Variants in CFAP54 observed in about 807,000 individuals in gnomAD.
CFAP54 encodes the protein cilia- and flagella-associated protein 54.
Under a neutral mutation model 370.4 loss-of-function variants are expected in CFAP54, and 290 were observed. That is an observed-to-expected ratio of 0.78 (90% CI 0.71 to 0.86). CFAP54 has a LOEUF of 0.86. CFAP54 is among the 40% of genes least tolerant of loss of function. The pLI, the probability that CFAP54 is intolerant of heterozygous loss-of-function variation, is 0.00. For synonymous variants in CFAP54, 1,206 were observed against 1,236.5 expected (o/e 0.98, Z 0.52); for missense variants, 3,399 against 3,528.7 (o/e 0.96, Z 0.93).
intron 17 of CFAP54, among the ~76,000 whole-genome samples, chr12:96,561,988 G>T (rs759766558): frequency 1.3e-5 from 2 of 151,896 alleles, no homozygotes; most frequent in African/African-American, 4.8e-5. Context: ...GTTTCACCAT[G>T]TTGGCCAGGC....
intron 32 of CFAP54, among the ~76,000 whole-genome samples, chr12:96,638,615 T>G (rs1303765442): frequency 6.6e-6 from 1 of 152,208 alleles, no homozygotes; most frequent in Non-Finnish European, 1.5e-5. Flanking sequence ...TTGTAATTTC[T>G]GCTTCTTGTG....
chr12:96,623,928 A>T, intron 28 of CFAP54, 47 bp downstream of exon 28: 1 of 1,213,284 alleles, frequency 8.2e-7, no homozygotes. Context: ...TAAGTTTTTT[A>T]AAACGAGAAA....
At chr12:96,501,821 A>G (rs1462236699) in intron 2 of CFAP54, among the ~76,000 whole-genome samples, 3 of 152,184 alleles carry the variant, frequency 2.0e-5, no homozygotes, top group Non-Finnish European at 2.9e-5. Context: ...ACTAAGATCT[A>G]TTTTCTTCTG....
intron 26 of CFAP54, among the ~76,000 whole-genome samples, chr12:96,605,004 A>G (rs1014192239): frequency 1.7e-4 from 26 of 152,296 alleles, no homozygotes; most frequent in Admixed American, 3.3e-4. Flanking sequence ...ACCAGCCCCA[A>G]TGAGATAAAC....
intron 38 of CFAP54, 141 bp from the exon 39 acceptor site, chr12:96,663,689 A>G (rs1003424934): frequency 3.3e-6 from 2 of 605,150 alleles, no homozygotes; most frequent in Non-Finnish European, 5.8e-6. Flanking sequence ...ATGATTAGAC[A>G]CTATTCTGCC....
At chr12:96,834,522 C>G (rs1042573545) in intron 66 of CFAP54, among the ~76,000 whole-genome samples, 5 of 152,218 alleles carry the variant, frequency 3.3e-5, no homozygotes, top group African/African-American at 1.2e-4. Context: ...GCAGGCAGCT[C>G]TAGGTGCTGG....
intron 48 of CFAP54, 75 bp downstream of exon 48, chr12:96,708,878 A>T: frequency 8.9e-7 from 1 of 1,127,712 alleles, no homozygotes; most frequent in Non-Finnish European, 1.3e-6. Flanking sequence ...CCACTAATCT[A>T]TATAAATGAT....
chr12:96,639,961 C>T (rs1443417251), intron 32 of CFAP54, among the ~76,000 whole-genome samples: 1 of 152,166 alleles, frequency 6.6e-6, no homozygotes, highest in African/African-American at 2.4e-5. Context: ...GACAAACCCA[C>T]AGCCAATATC....
At chr12:96,548,964 C>T (rs769804782) in intron 15 of CFAP54, among the ~76,000 whole-genome samples, 63 of 152,170 alleles carry the variant, frequency 4.1e-4, no homozygotes, top group Admixed American at 2.5e-3. Context: ...AAGCCAGTCT[C>T]CTGCCTCAGC....
chr12:96,663,783 AACTATAAAT>A, intron 38 of CFAP54, 38 bp from the exon 39 acceptor site: 1 of 1,366,402 alleles, frequency 7.3e-7, no homozygotes, highest in South Asian at 1.2e-5. Context: ...CGAAATTTTT[AACTATAAAT>A]ACCCGACTAA....
At chr12:96,775,860 C>A (rs992928043) in intron 60 of CFAP54, among the ~76,000 whole-genome samples, 2 of 152,116 alleles carry the variant, frequency 1.3e-5, no homozygotes, top group African/African-American at 4.8e-5. Context: ...CATTTTCCTG[C>A]TACACATTTT....
At chr12:96,754,021 G>A (rs1048869130) in intron 56 of CFAP54, 123 bp downstream of exon 56, 5 of 891,562 alleles carry the variant, frequency 5.6e-6, no homozygotes, top group Non-Finnish European at 1.6e-6. Context: ...AGGGCTTAGA[G>A]ATGATTAACA....
intron 45 of CFAP54, 28 bp downstream of exon 45, chr12:96,693,836 A>G (rs533040199): frequency 1.5e-5 from 21 of 1,383,232 alleles, no homozygotes; most frequent in Non-Finnish European, 2.0e-5. Flanking sequence ...AAGACATTTG[A>G]TATTCTTGAA....
In CFAP54 at chr12:96,650,569, CT is replaced by C. The variant is rs199758025; in HGVS notation, c.4872+502del. ...CATGTTCTCTCAAATGCTTTTCTTT[CT>C]TTTTCTTCTTAAATATTATATGAGA... On this transcript the variant is annotated intron_variant, in intron 35 of 67. Coordinates refer to ENST00000524981, the MANE Select transcript of CFAP54 (RefSeq NM_001306084.2). 6.7e-3 allele frequency among the ~76,000 whole-genome samples: 1,023 copies of C among 152,194 alleles called. 13 individuals are homozygous for C. The highest frequency in any genetic ancestry group is 0.023 in the African/African-American group (962 of 41,532).
intron 9 of CFAP54, among the ~76,000 whole-genome samples, chr12:96,530,147 T>A (rs1158875088): frequency 1.3e-5 from 2 of 152,172 alleles, no homozygotes; most frequent in Non-Finnish European, 2.9e-5. Flanking sequence ...TGTTGTCTGT[T>A]TTTTCACTCA....
chr12:96,808,144 C>T (rs1454301705), intron 63 of CFAP54, among the ~76,000 whole-genome samples: 1 of 152,010 alleles, frequency 6.6e-6, no homozygotes, highest in African/African-American at 2.4e-5. Context: ...CTAATTCTTC[C>T]CAAACTTTCA....
At chr12:96,740,083 T>C (rs1049118197) in intron 51 of CFAP54, 22 bp downstream of exon 51, 4 of 1,266,726 alleles carry the variant, frequency 3.2e-6, no homozygotes, top group Non-Finnish European at 4.6e-6. Context: ...TTAATGTCTG[T>C]TCTTACAATA....
intron 66 of CFAP54, among the ~76,000 whole-genome samples, chr12:96,852,559 A>C (rs1277860614): frequency 1.3e-5 from 2 of 152,092 alleles, no homozygotes; most frequent in Non-Finnish European, 2.9e-5. Context: ...TAAAACAATA[A>C]AGCTAGAGGA....
At chr12:96,773,707 G>T in intron 60 of CFAP54, among the ~76,000 whole-genome samples, 1 of 151,708 alleles carries the variant, frequency 6.6e-6, no homozygotes, top group African/African-American at 2.4e-5. Context: ...GCTTTTTTAT[G>T]GCTGTATAAT....
Sources: gnomAD v4.1 joint callset for allele counts (sites outside exome capture counted in the v4.1 genomes callset) on GRCh38, gnomAD v4.1.1 for gene constraint, MANE v1.5 for transcripts, NCBI Gene and HGNC (gene_info 2026-07-23, HGNC 2026-07-21) for gene names.